Variants in RTTN observed in about 807,000 individuals in gnomAD.
RTTN encodes the protein rotatin.
RTTN carries 182 observed loss-of-function variants against 269.2 expected under a neutral mutation model. That is an observed-to-expected ratio of 0.68 (90% CI 0.60 to 0.76). The LOEUF (loss-of-function observed/expected upper bound fraction) is 0.76, where lower values mean the gene tolerates loss of function less well. Among genes scored for constraint, RTTN ranks in the 30% least tolerant of loss-of-function variants. The pLI is 0.00. For synonymous variants in RTTN, 1,006 were observed against 963.5 expected (o/e 1.04, Z -0.82); for missense variants, 2,545 against 2,608.6 (o/e 0.98, Z 0.53).
chr18:70,077,880 G>A (rs1306637888), intron 32 of RTTN, among the ~76,000 whole-genome samples: 9 of 151,534 alleles, frequency 5.9e-5, no homozygotes, highest in Admixed American at 3.3e-4. Flanking sequence ...AGAAAATAGT[G>A]CAAAAAGGTT....
At chr18:70,205,513 G>T in intron 1 of RTTN, 115 bp downstream of exon 1, 2 of 1,427,118 alleles carry the variant, frequency 1.4e-6, no homozygotes, top group Non-Finnish European at 2.0e-6. Flanking sequence ...GACAAAGCGG[G>T]GGTGAAAGAG....
rs566524684 is a variant in RTTN at position 70,111,196 on chromosome 18, C to T, written c.3684-1479G>A. Among the ~76,000 whole-genome samples, 5 of 152,328 alleles carry T rather than the reference C, an allele frequency of 3.3e-5. No individual in the cohort carries two copies. The East Asian group carries it at 5.8e-4, about 18-fold the overall frequency. On this transcript the variant is annotated intron_variant, in intron 27 of 48. Transcript: ENST00000640769. ...GAGAGCAGTGGACCTCCCAGCACAC[C>T]GATCAAGCTCTGCTAAGGGTCAGAC... is the stretch of plus-strand genomic sequence containing the variant.
chr18:70,103,759 C>G (rs1208572991), intron 28 of RTTN, among the ~76,000 whole-genome samples: 7 of 22,502 alleles, frequency 3.1e-4, no homozygotes, highest in Non-Finnish European at 3.0e-4. Flanking sequence ...TCAATAAATA[C>G]TTCAAAAAAA....
At chr18:70,083,374 C>T (rs1225439834) in intron 32 of RTTN, among the ~76,000 whole-genome samples, 1 of 152,092 alleles carries the variant, frequency 6.6e-6, no homozygotes, top group Admixed American at 6.6e-5. Flanking sequence ...TTTAATGAAT[C>T]AGTCAAGACA....
chr18:70,118,136 T>C (rs893675406), intron 26 of RTTN, among the ~76,000 whole-genome samples: 2 of 151,470 alleles, frequency 1.3e-5, no homozygotes, highest in South Asian at 2.1e-4. Context: ...ACAAATGAAA[T>C]AGAAACTGGA....
Position 70,006,615 on chromosome 18 carries a change from G to A in RTTN, c.6422-131C>T, listed in dbSNP as rs189096924. 5 of 679,418 alleles carry A rather than the reference G, an allele frequency of 7.4e-6. No individual in the cohort carries two copies. In the African/African-American group the frequency reaches 9.0e-5, roughly 12 times the overall value. The allele number at this position is 679,418 out of a possible 1,614,324, so 42.1% of individuals were successfully genotyped here. ...ATAAAGTTGGTATCACTAGACTATGGCAAAACCAATCTTTTATGCCATGTG... is the reference window on the plus strand; with the variant it reads ...ATAAAGTTGGTATCACTAGACTATGACAAAACCAATCTTTTATGCCATGTG... On this transcript the variant is annotated intron_variant, in intron 46 of 48. Transcript: ENST00000640769.
At chr18:70,026,811 ACATT>A (rs1224000422) in intron 43 of RTTN, among the ~76,000 whole-genome samples, 2 of 152,068 alleles carry the variant, frequency 1.3e-5, no homozygotes, top group African/African-American at 4.8e-5. Flanking sequence ...CACCATCTAC[ACATT>A]GATAACTCCT....
intron 40 of RTTN, among the ~76,000 whole-genome samples, chr18:70,046,808 T>TAA (rs888998356): frequency 1.3e-5 from 2 of 152,180 alleles, no homozygotes; most frequent in African/African-American, 4.8e-5. Flanking sequence ...GGGGATGCCT[T>TAA]AACAGGCTTC....
chr18:70,164,731 C>G (rs2060941217), intron 14 of RTTN, among the ~76,000 whole-genome samples: 1 of 151,950 alleles, frequency 6.6e-6, no homozygotes, highest in Admixed American at 6.6e-5. Flanking sequence ...TTGGAGAAAA[C>G]AGCAAGGATA....
At chr18:70,013,152 T>C (rs899553380) in intron 46 of RTTN, among the ~76,000 whole-genome samples, 8 of 152,118 alleles carry the variant, frequency 5.3e-5, no homozygotes, top group African/African-American at 1.9e-4. Context: ...GCAGATGCAA[T>C]TTATCACGTG....
At chr18:70,195,174 TG>T (rs2061774246) in intron 7 of RTTN, among the ~76,000 whole-genome samples, 1 of 152,328 alleles carries the variant, frequency 6.6e-6, no homozygotes, top group African/African-American at 2.4e-5. Context: ...TCCACTCTCA[TG>T]GGCTTTATTT....
intron 2 of RTTN, among the ~76,000 whole-genome samples, 162 bp downstream of exon 2, chr18:70,204,966 T>C (rs565996557): frequency 3.9e-5 from 6 of 152,290 alleles, no homozygotes; most frequent in African/African-American, 1.4e-4. Context: ...GTATCACAAA[T>C]AAAAGATGAA....
chr18:70,101,164 T>C (rs1171936131), intron 28 of RTTN, among the ~76,000 whole-genome samples: 5 of 152,238 alleles, frequency 3.3e-5, no homozygotes, highest in Non-Finnish European at 5.9e-5. Context: ...CTAGCTCCTC[T>C]TCGTACCTCT....
intron 35 of RTTN, among the ~76,000 whole-genome samples, chr18:70,062,264 T>C (rs1054132729): frequency 1.3e-5 from 2 of 152,164 alleles, no homozygotes; most frequent in Admixed American, 1.3e-4. Context: ...TTTCAGCAAG[T>C]AAAACATACA....
At chr18:70,126,803 T>A (rs1426709257) in intron 25 of RTTN, among the ~76,000 whole-genome samples, 1 of 152,152 alleles carries the variant, frequency 6.6e-6, no homozygotes, top group Non-Finnish European at 1.5e-5. Flanking sequence ...TCAGATAAAC[T>A]AATTTTTAAA....
At chr18:70,205,510 C>A in intron 1 of RTTN, 118 bp downstream of exon 1, 3 of 1,428,884 alleles carry the variant, frequency 2.1e-6, no homozygotes, top group South Asian at 1.2e-5. Flanking sequence ...CCTGACAAAG[C>A]GGGGGTGAAA....
Position 70,150,091 on chromosome 18 carries a change from C to T in RTTN, c.2056-4G>A, listed in dbSNP as rs1162130773. 6.3e-7 allele frequency: 1 copy of T among 1,589,100 alleles called. No homozygotes were observed. The highest frequency in any genetic ancestry group is 8.6e-7 in the Non-Finnish European group (1 of 1,157,712). On this transcript the variant is annotated splice_region_variant and splice_polypyrimidine_tract_variant and intron_variant, in intron 15 of 48. Transcript: ENST00000640769. ...TGGCCTTGGCAGCAGTGTTCACCTGCTCAACAACACAGACCCGATAAACCA... is the reference window on the plus strand; with the variant it reads ...TGGCCTTGGCAGCAGTGTTCACCTGTTCAACAACACAGACCCGATAAACCA...
At chr18:70,091,071 G>A (rs769816574) in intron 30 of RTTN, among the ~76,000 whole-genome samples, 12 of 152,156 alleles carry the variant, frequency 7.9e-5, no homozygotes, top group Non-Finnish European at 1.6e-4. Context: ...CACACCTGCA[G>A]AAGAATTCTG....
chr18:70,178,436 T>C (rs2061351972), intron 10 of RTTN, among the ~76,000 whole-genome samples: 1 of 152,150 alleles, frequency 6.6e-6, no homozygotes, highest in African/African-American at 2.4e-5. Context: ...GTTTAATGGG[T>C]ACAGAGATTC....
Sources: gnomAD v4.1 joint callset for allele counts (sites outside exome capture counted in the v4.1 genomes callset) on GRCh38, gnomAD v4.1.1 for gene constraint, MANE v1.5 for transcripts, NCBI Gene and HGNC (gene_info 2026-07-23, HGNC 2026-07-21) for gene names.